The following TMEM132C variants were observed in gnomAD, a reference collection of about 807,000 sequenced individuals.
TMEM132C encodes the protein transmembrane protein 132C, also known as protein phosphatase 1, regulatory subunit 152.
TMEM132C carries 29 observed loss-of-function variants against 61.4 expected under a neutral mutation model. That is an observed-to-expected ratio of 0.47 (90% CI 0.35 to 0.64). The LOEUF (loss-of-function observed/expected upper bound fraction) is 0.64, where lower values mean the gene tolerates loss of function less well. TMEM132C is among the 30% of genes least tolerant of loss of function. The probability of loss-of-function intolerance (pLI) is 0.00; values close to 1 mark genes in which losing one functional copy is unlikely to be tolerated. For synonymous variants in TMEM132C, 656 were observed against 633.1 expected, an observed-to-expected ratio of 1.04 and a Z score of -0.54; for missense variants, 1,408 against 1,476.9, an observed-to-expected ratio of 0.95 and a Z score of 0.76.
chr12:128,603,202 T>C (rs1184284297), intron 3 of TMEM132C, among the ~76,000 whole-genome samples: 1 of 152,132 alleles, frequency 6.6e-6, no homozygotes. Context: ...AATTTTGCAT[T>C]ATCAGTTCTG....
At chr12:128,423,609 C>T (rs1215544229) in intron 2 of TMEM132C, among the ~76,000 whole-genome samples, 1 of 152,132 alleles carries the variant, frequency 6.6e-6, no homozygotes, top group Non-Finnish European at 1.5e-5. Context: ...CTGGCTTTTG[C>T]CTGTAGTCCC....
chr12:128,442,059 C>T (rs1406001157), intron 2 of TMEM132C, among the ~76,000 whole-genome samples: 2 of 152,118 alleles, frequency 1.3e-5, no homozygotes, highest in Non-Finnish European at 1.5e-5. Flanking sequence ...AGGGCTCACC[C>T]TGGCTCAGCT....
At chr12:128,527,013 G>A (rs758053185) in intron 2 of TMEM132C, among the ~76,000 whole-genome samples, 13 of 152,170 alleles carry the variant, frequency 8.5e-5, no homozygotes, top group Non-Finnish European at 1.6e-4. Context: ...GTATACACTT[G>A]TAATCCATGC....
At chr12:128,426,710 G>C (rs1005909036) in intron 2 of TMEM132C, among the ~76,000 whole-genome samples, 2 of 152,108 alleles carry the variant, frequency 1.3e-5, no homozygotes, top group African/African-American at 4.8e-5. Context: ...CCCCTCCGCA[G>C]CTCCCCATAA....
In TMEM132C at chr12:128,482,114, AT is replaced by A. The variant is rs562702756; in HGVS notation, c.975-61839del. Among the ~76,000 whole-genome samples, 226 of 152,182 alleles carry A rather than the reference AT, an allele frequency of 1.5e-3. 1 individual carries two copies. Among genetic ancestry groups the A allele is most frequent in the African/African-American group, 4.8e-3 (200 of 41,522 alleles). ...AGTTTTTAGCATGAAGGGGTGTTGA[AT>A]TTTATCGAAGGCCTTTTCTGCATCT... On this transcript the variant is annotated intron_variant, in intron 2 of 8. Coordinates refer to ENST00000435159, the MANE Select transcript of TMEM132C (RefSeq NM_001136103.3).
intron 1 of TMEM132C, among the ~76,000 whole-genome samples, chr12:128,286,941 G>A (rs1292535006): frequency 2.0e-5 from 3 of 152,202 alleles, no homozygotes; most frequent in Non-Finnish European, 4.4e-5. Context: ...GAGAATAAGA[G>A]AAAGAAGACG....
intron 3 of TMEM132C, among the ~76,000 whole-genome samples, chr12:128,548,989 G>A (rs1475408094): frequency 6.6e-6 from 1 of 152,112 alleles, no homozygotes; most frequent in Non-Finnish European, 1.5e-5. Context: ...TCTGCAAAGG[G>A]TCCATGAGCC....
chr12:128,329,745 C>T (rs1872623039), intron 1 of TMEM132C, among the ~76,000 whole-genome samples: 1 of 152,114 alleles, frequency 6.6e-6, no homozygotes, highest in South Asian at 2.1e-4. Context: ...AGCTGGACCC[C>T]ATGGAGAAGG....
chr12:128,321,289 A>G (rs1333239307), intron 1 of TMEM132C, among the ~76,000 whole-genome samples: 1 of 152,140 alleles, frequency 6.6e-6, no homozygotes, highest in Non-Finnish European at 1.5e-5. Context: ...ATGGAATACC[A>G]CTTAGCAATT....
At chr12:128,690,190 G>A (rs373715336) in intron 5 of TMEM132C, among the ~76,000 whole-genome samples, 2 of 152,294 alleles carry the variant, frequency 1.3e-5, no homozygotes, top group East Asian at 1.9e-4. Flanking sequence ...CATTCTGTCC[G>A]CATAGTTTAG....
In TMEM132C at chr12:128,414,802, C is replaced by T; in HGVS notation, c.156C>T (p.Ser52=). 6.5e-7 allele frequency: 1 copy of T among 1,542,342 alleles called. No homozygotes were observed. The highest frequency in any genetic ancestry group is 8.7e-7 in the Non-Finnish European group (1 of 1,146,930). The change falls in exon 2 of 9, where the codon AGC becomes AGT. Residue 52 remains serine (S), a synonymous_variant. Coordinates refer to ENST00000435159, the MANE Select transcript of TMEM132C (RefSeq NM_001136103.3). The part of the protein sequence containing the change: ...FSSLPPYLPV[S]YHILRAETSF... ...CACTGCCACCTTACCTACCTGTGAG[C>T]TACCACATCCTCAGAGCAGAGACCT...
intron 3 of TMEM132C, among the ~76,000 whole-genome samples, chr12:128,586,254 AT>A (rs1205463612): frequency 6.6e-6 from 1 of 152,012 alleles, no homozygotes; most frequent in Non-Finnish European, 1.5e-5. Flanking sequence ...TAAAATGTCT[AT>A]TTTAAGTGTC....
intron 1 of TMEM132C, among the ~76,000 whole-genome samples, chr12:128,301,927 C>T (rs551804354): frequency 1.8e-4 from 28 of 152,274 alleles, no homozygotes; most frequent in African/African-American, 3.4e-4. Context: ...AAATGAGAGC[C>T]AAGTGAAAGA....
chr12:128,380,906 T>A (rs1017951961), intron 1 of TMEM132C, among the ~76,000 whole-genome samples: 1 of 152,224 alleles, frequency 6.6e-6, no homozygotes, highest in Non-Finnish European at 1.5e-5. Flanking sequence ...CACATTGAAC[T>A]CATGGCCAAC....
chr12:128,543,463 GC>G (rs1039804807), intron 2 of TMEM132C, among the ~76,000 whole-genome samples: 3 of 152,150 alleles, frequency 2.0e-5, no homozygotes, highest in Non-Finnish European at 4.4e-5. Flanking sequence ...GACACTGTGG[GC>G]CCAGTGGCTC....
intron 2 of TMEM132C, among the ~76,000 whole-genome samples, chr12:128,504,317 G>A (rs1289293809): frequency 6.6e-6 from 1 of 152,132 alleles, no homozygotes; most frequent in East Asian, 1.9e-4. Context: ...ATCCCACCCA[G>A]TTTCAAAGGG....
At chr12:128,666,023 G>GCACA (rs1555241623) in intron 4 of TMEM132C, among the ~76,000 whole-genome samples, 4 of 61,406 alleles carry the variant, frequency 6.5e-5, no homozygotes, top group African/African-American at 1.6e-4. Flanking sequence ...ACATTCACAG[G>GCACA]CGCACATTCA....
At chr12:128,666,253 A>G (rs1954473060) in intron 4 of TMEM132C, among the ~76,000 whole-genome samples, 1 of 150,950 alleles carries the variant, frequency 6.6e-6, no homozygotes, top group Non-Finnish European at 1.5e-5. Flanking sequence ...ACAGGCACAC[A>G]CATTCACAGG....
chr12:128,579,472 C>T (rs1021023841), intron 3 of TMEM132C, among the ~76,000 whole-genome samples: 5 of 152,138 alleles, frequency 3.3e-5, no homozygotes, highest in Non-Finnish European at 7.3e-5. Flanking sequence ...TCCCAACAAA[C>T]GTCTGGCCCC....
Sources: allele counts gnomAD v4.1 joint callset (sites outside exome capture counted in the v4.1 genomes callset), GRCh38; gene constraint gnomAD v4.1.1; transcripts MANE v1.5; gene names NCBI Gene and HGNC (gene_info 2026-07-23, HGNC 2026-07-21).